Variants in ARHGEF28 observed in about 807,000 individuals in gnomAD.
ARHGEF28 encodes the protein 190 kDa guanine nucleotide exchange factor.
In ARHGEF28, 152 loss-of-function variants were observed where a neutral mutation model predicts 206.6. The ratio of observed to expected loss-of-function variants is 0.74; its 90% confidence interval spans 0.64 to 0.84. The LOEUF is 0.84. Among genes scored for constraint, ARHGEF28 ranks in the 40% least tolerant of loss-of-function variants. The pLI is 0.00. For missense variants in ARHGEF28, 2,028 were observed against 2,073.2 expected (o/e 0.98, Z 0.42); for synonymous variants, 763 against 776.4 (o/e 0.98, Z 0.29).
chr5:73,819,438 C>G (rs1220270157), intron 9 of ARHGEF28, among the ~76,000 whole-genome samples: 1 of 152,144 alleles, frequency 6.6e-6, no homozygotes, highest in Non-Finnish European at 1.5e-5. Flanking sequence ...AATGATTGGC[C>G]TGGGTTGGGC....
intron 1 of ARHGEF28, among the ~76,000 whole-genome samples, chr5:73,633,374 A>G (rs1743486950): frequency 1.3e-5 from 2 of 152,046 alleles, no homozygotes; most frequent in Admixed American, 1.3e-4. Context: ...TAAGATTAGC[A>G]GCTGCAGGTC....
At position 73,849,027 on chromosome 5, in the gene ARHGEF28, A is replaced by C; in HGVS notation, c.1687A>C (p.Lys563Gln). ...RSRSYSCSSP[K>Q]ISLGKTRLVR... Reference sequence around the variant, plus strand: ...ACGTTCTTATTCTTGCTCATCACCCAAAATTTCTTTAGGAAAAACTCGTTT... The same window carrying C: ...ACGTTCTTATTCTTGCTCATCACCCCAAATTTCTTTAGGAAAAACTCGTTT... The change falls in exon 13 of 36, where the codon AAA becomes CAA. Residue 563 changes from lysine (K) to glutamine (Q), a missense_variant. Around this residue, in one of 3 missense-constraint regions of ARHGEF28, gnomAD observed 1,002 missense variants for 1,015.3 expected, o/e 0.99. Coordinates refer to ENST00000513042, the MANE Select transcript of ARHGEF28 (RefSeq NM_001177693.2). The C allele has an allele frequency of 6.3e-7, 1 of 1,580,228 alleles. No individual in the cohort carries two copies. The highest frequency in any genetic ancestry group is 8.6e-7 in the Non-Finnish European group (1 of 1,160,944).
intron 2 of ARHGEF28, among the ~76,000 whole-genome samples, chr5:73,705,977 G>A (rs79318517): frequency 1.1e-3 from 166 of 152,286 alleles, no homozygotes; most frequent in Middle Eastern, 0.01. Context: ...CAACTACTGC[G>A]TTATTATGCT....
intron 10 of ARHGEF28, among the ~76,000 whole-genome samples, chr5:73,838,465 G>T (rs1381345416): frequency 6.6e-6 from 1 of 152,108 alleles, no homozygotes; most frequent in Non-Finnish European, 1.5e-5. Context: ...CAACCTTCCT[G>T]TTGAGAAAAT....
intron 2 of ARHGEF28, among the ~76,000 whole-genome samples, chr5:73,713,354 C>T (rs1206085315): frequency 6.6e-6 from 1 of 152,112 alleles, no homozygotes; most frequent in Non-Finnish European, 1.5e-5. Context: ...CTATCTTTAT[C>T]TCTTTTCTGT....
intron 9 of ARHGEF28, among the ~76,000 whole-genome samples, chr5:73,796,312 A>C (rs542412216): frequency 2.0e-5 from 3 of 152,344 alleles, no homozygotes; most frequent in Non-Finnish European, 1.5e-5. Flanking sequence ...TGGAAGGCAC[A>C]CATGGGCAGG....
At chr5:73,932,172 T>C (rs1764163674) in intron 35 of ARHGEF28, among the ~76,000 whole-genome samples, 1 of 152,208 alleles carries the variant, frequency 6.6e-6, no homozygotes, top group Admixed American at 6.5e-5. Flanking sequence ...CTACTAAAGT[T>C]TGTAAACTAC....
intron 35 of ARHGEF28, among the ~76,000 whole-genome samples, chr5:73,915,378 A>G (rs1763153937): frequency 6.6e-6 from 1 of 152,204 alleles, no homozygotes; most frequent in Non-Finnish European, 1.5e-5. Context: ...TTAAGATAGA[A>G]CTTTAAAGAA....
chr5:73,845,607 A>G (rs1359601054), intron 11 of ARHGEF28, among the ~76,000 whole-genome samples: 1 of 152,162 alleles, frequency 6.6e-6, no homozygotes, highest in African/African-American at 2.4e-5. Context: ...ATGGGTTACC[A>G]TTTGGGACTT....
At chr5:73,811,640 C>T (rs945443266) in intron 9 of ARHGEF28, among the ~76,000 whole-genome samples, 1 of 152,154 alleles carries the variant, frequency 6.6e-6, no homozygotes, top group African/African-American at 2.4e-5. Context: ...AGTTACATAT[C>T]CTTATAATTA....
At chr5:73,823,537 G>A (rs1364775099) in intron 9 of ARHGEF28, among the ~76,000 whole-genome samples, 1 of 152,110 alleles carries the variant, frequency 6.6e-6, no homozygotes, top group Non-Finnish European at 1.5e-5. Context: ...TGAGTCTTGA[G>A]TATCTTGAAA....
At chr5:73,745,406 A>C (rs1234635944) in intron 2 of ARHGEF28, among the ~76,000 whole-genome samples, 2 of 152,060 alleles carry the variant, frequency 1.3e-5, no homozygotes, top group African/African-American at 4.8e-5. Flanking sequence ...AAGTTGGATG[A>C]GATAGTTTAA....
At chr5:73,713,655 G>A (rs1283400862) in intron 2 of ARHGEF28, among the ~76,000 whole-genome samples, 2 of 152,082 alleles carry the variant, frequency 1.3e-5, no homozygotes, top group African/African-American at 2.4e-5. Context: ...TTTGGTGGGG[G>A]GAGGGTAAGC....
At position 73,794,568 on chromosome 5, in the gene ARHGEF28, C is replaced by T. The variant is rs949698043; in HGVS notation, c.963+114C>T. 129 of 851,992 alleles carry T rather than the reference C, an allele frequency of 1.5e-4. 2 individuals are homozygous for T. In the East Asian group the frequency reaches 3.6e-3, roughly 23 times the overall value. The allele number at this position is 851,992 out of a possible 1,614,324, so 52.8% of individuals were successfully genotyped here. ...ACTAAAAAAAGGATGTGCCCCAAGT[C>T]ACTTTCAGAATAATGTGAAATTCTG... On this transcript the variant is annotated intron_variant, in intron 8 of 35. Transcript: ENST00000513042.
chr5:73,909,680 G>A lies in ARHGEF28; in HGVS notation c.4430G>A (p.Arg1477Gln), dbSNP rs753309194. 5 of 1,538,966 alleles carry A rather than the reference G, an allele frequency of 3.2e-6. No individual in the cohort carries two copies. Among genetic ancestry groups the A allele is most frequent in the African/African-American group, 1.4e-5 (1 of 72,886 alleles). Residue 1477 changes from arginine (R) to glutamine (Q), a missense_variant, in exon 34 of 36, where the codon CGG (arginine) becomes CAG (glutamine). By Grantham distance (43) the Arg-to-Gln change is conservative (BLOSUM62 1). Around this residue, in one of 3 missense-constraint regions of ARHGEF28, gnomAD observed 803 missense variants for 768.0 expected, o/e 1.05. Coordinates refer to ENST00000513042, the MANE Select transcript of ARHGEF28 (RefSeq NM_001177693.2). Reference protein sequence around the residue: ...TRESWLQERERECQSQEELLL... With the variant: ...TRESWLQEREQECQSQEELLL... ...GAGAGCTGGCTGCAGGAGCGGGAGC[G>A]GGAGTGCCAGTCGCAGGAGGAGCTG...
At chr5:73,775,624 T>C (rs1444906232) in intron 5 of ARHGEF28, among the ~76,000 whole-genome samples, 1 of 152,222 alleles carries the variant, frequency 6.6e-6, no homozygotes, top group Non-Finnish European at 1.5e-5. Context: ...AATTAGGTCA[T>C]GTTAAAAGAG....
chr5:73,882,863 G>A (rs1761040347), intron 23 of ARHGEF28, among the ~76,000 whole-genome samples: 1 of 152,114 alleles, frequency 6.6e-6, no homozygotes, highest in Non-Finnish European at 1.5e-5. Context: ...GCTGTTTCAT[G>A]CCAAGTTATA....
intron 26 of ARHGEF28, among the ~76,000 whole-genome samples, chr5:73,889,284 C>T (rs374284106): frequency 3.9e-5 from 6 of 152,284 alleles, no homozygotes; most frequent in South Asian, 2.1e-4. Context: ...TTACAGAAAA[C>T]GTGATGAATT....
intron 21 of ARHGEF28, among the ~76,000 whole-genome samples, chr5:73,870,807 T>C (rs147529978): frequency 1.1e-3 from 165 of 152,300 alleles, no homozygotes; most frequent in African/African-American, 3.8e-3. Flanking sequence ...AGTTAAATTA[T>C]AGACTTGGAA....
Sources: gnomAD v4.1 joint callset for allele counts (sites outside exome capture counted in the v4.1 genomes callset) on GRCh38, gnomAD v4.1.1 for gene constraint, gnomAD v4.1.1 regional missense constraint, MANE v1.5 for transcripts, NCBI Gene and HGNC (gene_info 2026-07-23, HGNC 2026-07-21) for gene names.